The following ANKS1A variants were observed in gnomAD, a reference collection of about 807,000 sequenced individuals.
ANKS1A encodes ankyrin repeat and sterile alpha motif domain containing 1A, also known as ankyrin repeat and SAM domain-containing protein 1A.
ANKS1A carries 55 observed loss-of-function variants against 120.3 expected under a neutral mutation model. The observed-to-expected ratio is 0.46, with a 90% CI of 0.37 to 0.57. The LOEUF is 0.57. Among genes scored for constraint, ANKS1A ranks in the 20% least tolerant of loss-of-function variants. The pLI is 0.00. For missense variants in ANKS1A, 1,123 were observed against 1,480.3 expected (o/e 0.76, Z 3.96); for synonymous variants, 590 against 604.7 (o/e 0.98, Z 0.36).
chr6:35,091,000 G>A lies in ANKS1A; in HGVS notation c.*2391G>A, dbSNP rs1272592263. ...CCCGAGATGCTCGGGTTTGAGCAGG[G>A]AGCAGGCAGAGCTGCAGTCAGAGAC... On this transcript the variant is annotated 3_prime_UTR_variant, in exon 24 of 24. Transcript: ENST00000360359. The A allele has an allele frequency of 3.0e-6, 3 of 985,898 alleles. No individual in the cohort carries two copies. Among genetic ancestry groups the A allele is most frequent in the East Asian group, 2.3e-4 (2 of 8,822 alleles). The allele number at this position is 985,898 out of a possible 1,614,324, so 61.1% of individuals were successfully genotyped here. A position where few individuals can be genotyped will look rare whatever the true frequency, so the allele number is the denominator to read the frequency against.
At chr6:34,965,073 C>T (rs572495598) in intron 1 of ANKS1A, among the ~76,000 whole-genome samples, 1 of 152,216 alleles carries the variant, frequency 6.6e-6, no homozygotes, top group South Asian at 2.1e-4. Context: ...GTCTATAGCT[C>T]TCTATCTGTG....
chr6:34,991,675 T>C (rs867298622), intron 9 of ANKS1A, among the ~76,000 whole-genome samples: 139 of 111,040 alleles, frequency 1.3e-3, no homozygotes, highest in African/African-American at 3.3e-3. Context: ...TATATACACA[T>C]ATATATACAT....
chr6:34,921,765 G>A (rs557895871), intron 1 of ANKS1A, among the ~76,000 whole-genome samples: 133 of 152,230 alleles, frequency 8.7e-4, no homozygotes, highest in African/African-American at 3.1e-3. Flanking sequence ...TGGCACAATC[G>A]TAGCTTACTG....
At chr6:34,971,719 G>C (rs1771194434) in intron 3 of ANKS1A, among the ~76,000 whole-genome samples, 1 of 152,180 alleles carries the variant, frequency 6.6e-6, no homozygotes, top group African/African-American at 2.4e-5. Context: ...TCAGTTAGCT[G>C]TTAAAAGCAT....
Position 34,981,869 on chromosome 6 carries a change from C to T in ANKS1A, c.615C>T (p.His205=). Residue 205 remains histidine, a synonymous_variant, in exon 4 of 24, where the codon CAC becomes CAT. Transcript: ENST00000360359. ...LEVVKMLLNA[H]PNLLSCNTKK... is the part of the protein sequence containing the mutation. ...TGGTGAAAATGCTCCTTAATGCACA[C>T]CCCAACCTCCTGAGCTGCAACACTA... 1 of 1,614,144 alleles carries T rather than the reference C, an allele frequency of 6.2e-7. No individual in the cohort carries two copies. Among genetic ancestry groups the T allele is most frequent in the Non-Finnish European group, 8.5e-7 (1 of 1,180,024 alleles).
chr6:35,060,070 A>C lies in ANKS1A; in HGVS notation c.2078-77A>C, dbSNP rs768550933. The C allele has an allele frequency of 1.1e-5, 13 of 1,194,810 alleles. No homozygotes were observed. The highest frequency in any genetic ancestry group is 3.0e-5 in the African/African-American group (2 of 66,770). The allele number at this position is 1,194,810 out of a possible 1,614,324, so 74.0% of individuals were successfully genotyped here. A position where few individuals can be genotyped will look rare whatever the true frequency, so the allele number is the denominator to read the frequency against. Reference sequence around the variant, plus strand: ...TGACTATGATGTGGCAATGCCATCTATCTTCCTCTGAGTGCCGCTGCTACC... The same window carrying C: ...TGACTATGATGTGGCAATGCCATCTCTCTTCCTCTGAGTGCCGCTGCTACC... On this transcript the variant is annotated intron_variant, in intron 12 of 23. Coordinates refer to ENST00000360359, the MANE Select transcript of ANKS1A (RefSeq NM_015245.3). The surrounding 1 kb of genome is among the most constrained non-coding windows in gnomAD (Gnocchi z 4.5).
At chr6:34,981,020 A>G (rs1490391838) in intron 3 of ANKS1A, among the ~76,000 whole-genome samples, 3 of 152,216 alleles carry the variant, frequency 2.0e-5, no homozygotes, top group Admixed American at 6.5e-5. Context: ...TTAATGAAGT[A>G]GATACTGCAT....
chr6:34,972,410 G>A (rs1037725843), intron 3 of ANKS1A, among the ~76,000 whole-genome samples: 1 of 152,080 alleles, frequency 6.6e-6, no homozygotes, highest in East Asian at 1.9e-4. Context: ...TAGATTAAAG[G>A]GGGGTAAGAG....
At chr6:35,093,373 C>CA (rs1313625675), downstream of ANKS1A, among the ~76,000 whole-genome samples, 4 of 151,454 alleles carry the variant, frequency 2.6e-5, no homozygotes, top group East Asian at 3.9e-4. Flanking sequence ...AATGTAAAAA[C>CA]AAAAAAACAA....
Position 35,050,553 on chromosome 6 carries a change from G to A in ANKS1A, c.2011-3546G>A, listed in dbSNP as rs1775918142. 6.6e-6 allele frequency among the ~76,000 whole-genome samples: 1 copy of A among 152,156 alleles called. No individual in the cohort carries two copies. The highest frequency in any genetic ancestry group is 1.5e-5 in the Non-Finnish European group (1 of 68,032). ...GCTAGGAGGTTAAACTGCATGAAGT[G>A]TATAGATCAGAATGATATCTGCTGT... On this transcript the variant is annotated intron_variant, in intron 11 of 23. Transcript: ENST00000360359. The surrounding 1 kb of genome is among the most constrained non-coding windows in gnomAD (Gnocchi z 4.3).
chr6:35,079,730 A>C (rs1172645836), intron 15 of ANKS1A, 62 bp downstream of exon 15: 1 of 1,612,512 alleles, frequency 6.2e-7, no homozygotes, highest in African/African-American at 1.3e-5. Context: ...CCTTAGGGGC[A>C]GCCTGGCCCA....
chr6:35,072,876 C>T (rs921002645), intron 13 of ANKS1A, among the ~76,000 whole-genome samples: 8 of 152,290 alleles, frequency 5.3e-5, no homozygotes, highest in Admixed American at 1.3e-4. Context: ...GGCGTCTGCC[C>T]GCACCCCCAC....
At chr6:35,009,761 G>A (rs1008494233) in intron 10 of ANKS1A, 1 of 161,002 alleles carries the variant, frequency 6.2e-6, no homozygotes, top group African/African-American at 2.4e-5. Flanking sequence ...AAATTTACTG[G>A]GTGTGGTGGT....
At chr6:34,936,519 C>T (rs1017724625) in intron 1 of ANKS1A, among the ~76,000 whole-genome samples, 2 of 152,134 alleles carry the variant, frequency 1.3e-5, no homozygotes, top group Non-Finnish European at 2.9e-5. Flanking sequence ...GAAACATGTC[C>T]AGTCTTCTTT....
intron 23 of ANKS1A, among the ~76,000 whole-genome samples, 157 bp downstream of exon 23, chr6:35,087,206 GGCAGCGTAGACGCT>G (rs11272213): frequency 0.41 from 62,652 of 151,930 alleles, 14,279 homozygotes; most frequent in Middle Eastern, 0.53. Flanking sequence ...TTGGGCGGGC[GGCAGCGTAGACGCT>G]GTACACTTGC....
chr6:34,921,449 T>C (rs544474382), intron 1 of ANKS1A, among the ~76,000 whole-genome samples: 4 of 152,370 alleles, frequency 2.6e-5, no homozygotes, highest in Admixed American at 6.5e-5. Context: ...CTACTTTCTA[T>C]GCTAAGAATC....
chr6:34,929,391 G>C (rs959028722), intron 1 of ANKS1A, among the ~76,000 whole-genome samples: 1 of 152,158 alleles, frequency 6.6e-6, no homozygotes, highest in East Asian at 1.9e-4. Context: ...CTGTTTAGCA[G>C]TATCTGCCTG....
At chr6:35,079,490 G>T (rs748863871) in intron 14 of ANKS1A, 26 bp from the exon 15 acceptor site, 1 of 1,612,670 alleles carries the variant, frequency 6.2e-7, no homozygotes, top group Non-Finnish European at 8.5e-7. Context: ...TGAGATGTCA[G>T]TTTCACCTCC....
chr6:35,056,469 T>TA (rs1471154770), intron 12 of ANKS1A, among the ~76,000 whole-genome samples: 2 of 152,112 alleles, frequency 1.3e-5, no homozygotes, highest in Non-Finnish European at 2.9e-5. Context: ...TTTGTATTTT[T>TA]AGTAGAGACA....
Sources: allele counts gnomAD v4.1 joint callset (sites outside exome capture counted in the v4.1 genomes callset), GRCh38; gene constraint gnomAD v4.1.1; non-coding constraint Gnocchi (gnomAD v3.1); transcripts MANE v1.5; gene names NCBI Gene and HGNC (gene_info 2026-07-23, HGNC 2026-07-21).